Variants in ARMC9 observed in about 807,000 individuals in gnomAD.
The protein encoded by ARMC9 is armadillo repeat containing 9, also known as lisH domain-containing protein ARMC9.
A neutral mutation model predicts 107.0 loss-of-function variants in ARMC9; 94 were observed. The ratio of observed to expected loss-of-function variants is 0.88; its 90% CI spans 0.74 to 1.04. The LOEUF is 1.04. ARMC9 is among the 50% of genes least tolerant of loss of function. The probability of loss-of-function intolerance (pLI) is 0.00; values close to 1 mark genes in which losing one functional copy is unlikely to be tolerated. For missense variants in ARMC9, 942 were observed against 1,030.1 expected (o/e 0.91, Z 1.17); for synonymous variants, 380 against 396.9 (o/e 0.96, Z 0.51).
intron 19 of ARMC9, among the ~76,000 whole-genome samples, chr2:231,315,066 C>A (rs1316573478): frequency 1.3e-5 from 2 of 151,800 alleles, no homozygotes; most frequent in Non-Finnish European, 2.9e-5. Context: ...TGGTGAAACC[C>A]CATCTCTATT....
chr2:231,371,416 G>A (rs2046016562), intron 24 of ARMC9, 97 bp from the exon 25 acceptor site: 7 of 1,314,016 alleles, frequency 5.3e-6, no homozygotes, highest in Admixed American at 6.5e-5. Flanking sequence ...AGGTTCCCTC[G>A]CTTCTGAGCC....
chr2:231,355,924 C>T lies in ARMC9; in HGVS notation c.2121C>T (p.Val707=), dbSNP rs1160697545. Residue 707 remains valine, a synonymous_variant, in exon 22 of 25, where the codon GTC becomes GTT. Transcript: ENST00000611582. Reference sequence around the variant, plus strand: ...AGCCCAGCACCCCGGAGTCCTGCGTCTCCTCTTCATGTAAGAATGTGGGCA... The same window carrying T: ...AGCCCAGCACCCCGGAGTCCTGCGTTTCCTCTTCATGTAAGAATGTGGGCA... ...EGKPSTPESC[V]SSSSAIIAKP... is the part of the protein sequence containing the mutation. 1.3e-6 allele frequency: 2 copies of T among 1,535,416 alleles called. No individual in the cohort carries two copies. Among genetic ancestry groups the T allele is most frequent in the African/African-American group, 1.4e-5 (1 of 73,048 alleles).
rs957451308 is a variant in ARMC9 at position 231,297,682 on chromosome 2, C to T, written c.1773+1429C>T. On this transcript the variant is annotated intron_variant, in intron 19 of 24. Coordinates refer to ENST00000611582, the MANE Select transcript of ARMC9 (RefSeq NM_001352754.2). This position sits in a 1 kb window ranked among gnomAD's most constrained non-coding sequence, Gnocchi z 4.2. Reference sequence around the variant, plus strand: ...GCTGGCGAGCATAGGAAAGCAGGCACCTGACTCGTGGGCCATTGTTTGCCA... The same window carrying T: ...GCTGGCGAGCATAGGAAAGCAGGCATCTGACTCGTGGGCCATTGTTTGCCA... Among the ~76,000 whole-genome samples, 1 of 152,196 alleles carries T rather than the reference C, an allele frequency of 6.6e-6. No individual in the cohort carries two copies. Among genetic ancestry groups the T allele is most frequent in the African/African-American group, 2.4e-5 (1 of 41,452 alleles).
In ARMC9 at chr2:231,238,735, G is replaced by A. The variant is rs568439250; in HGVS notation, c.781-1208G>A. 2.6e-5 allele frequency among the ~76,000 whole-genome samples: 4 copies of A among 152,342 alleles called. No homozygotes were observed. The South Asian group carries it at 8.3e-4, about 32-fold the overall frequency. ...GAATGGACTCAGGATAATATAGGAG[G>A]TCTAGCCCTGGGATGGGGTTCCTTT... On this transcript the variant is annotated intron_variant, in intron 8 of 24. Coordinates refer to ENST00000611582, the MANE Select transcript of ARMC9 (RefSeq NM_001352754.2).
At chr2:231,201,011 G>A (rs1285929948) in intron 1 of ARMC9, among the ~76,000 whole-genome samples, 1 of 152,142 alleles carries the variant, frequency 6.6e-6, no homozygotes, top group Non-Finnish European at 1.5e-5. Context: ...TTGTTGCATG[G>A]GGGAATGGCC....
intron 21 of ARMC9, among the ~76,000 whole-genome samples, chr2:231,348,429 T>G (rs980730160): frequency 6.6e-6 from 1 of 152,262 alleles, no homozygotes; most frequent in Non-Finnish European, 1.5e-5. Flanking sequence ...GAGACAAGTT[T>G]GTGTTGTTTT....
chr2:231,318,417 T>C (rs2042822506), intron 19 of ARMC9, among the ~76,000 whole-genome samples: 2 of 152,206 alleles, frequency 1.3e-5, no homozygotes, highest in Admixed American at 6.5e-5. Context: ...CACTGTTAGC[T>C]TCCTCTGGGT....
chr2:231,330,420 G>A (rs1177900197), intron 19 of ARMC9, among the ~76,000 whole-genome samples: 2 of 152,106 alleles, frequency 1.3e-5, no homozygotes, highest in Non-Finnish European at 2.9e-5. Context: ...GCCTAGAAGG[G>A]ACGAGAGTGC....
intron 18 of ARMC9, among the ~76,000 whole-genome samples, chr2:231,291,677 G>A (rs940388302): frequency 1.5e-4 from 23 of 152,012 alleles, no homozygotes; most frequent in African/African-American, 5.3e-4. Flanking sequence ...TTAGCCAGGT[G>A]TGGTGGCTTG....
At chr2:231,334,059 A>G (rs2043922123) in intron 20 of ARMC9, among the ~76,000 whole-genome samples, 1 of 152,260 alleles carries the variant, frequency 6.6e-6, no homozygotes. Context: ...AAATGGTACC[A>G]TCTTACCATA....
chr2:231,235,100 G>A, intron 7 of ARMC9, 124 bp from the exon 8 acceptor site: 2 of 1,016,774 alleles, frequency 2.0e-6, no homozygotes, highest in Non-Finnish European at 2.8e-6. Flanking sequence ...AACACAAGTA[G>A]TGTCCAGTTT....
At position 231,371,316 on chromosome 2, in the gene ARMC9, T is replaced by C. The variant is rs1015804318; in HGVS notation, c.2435-197T>C. ...GCTGTTGCCAGCAAAGCTGACTGAG[T>C]GACCCGCACCAAGCAGCCTGCTTCC... On this transcript the variant is annotated intron_variant, in intron 24 of 24. Coordinates refer to ENST00000611582, the MANE Select transcript of ARMC9 (RefSeq NM_001352754.2). 5.3e-5 allele frequency among the ~76,000 whole-genome samples: 8 copies of C among 151,978 alleles called. 1 individual carries two copies. Among genetic ancestry groups the C allele is most frequent in the Non-Finnish European group, 1.0e-4 (7 of 67,988 alleles).
chr2:231,251,552 C>T (rs891431224), intron 9 of ARMC9, among the ~76,000 whole-genome samples: 11 of 152,062 alleles, frequency 7.2e-5, no homozygotes, highest in African/African-American at 2.7e-4. Context: ...GAAACTGAGG[C>T]GTGGGGAGTT....
intron 19 of ARMC9, among the ~76,000 whole-genome samples, chr2:231,302,437 G>GT (rs56032700): frequency 0.051 from 2,944 of 58,152 alleles, 260 homozygotes; most frequent in East Asian, 0.16. Context: ...TTGTGGGTTT[G>GT]TTTTTTTTTT....
chr2:231,284,269 T>G (rs1230312692), intron 17 of ARMC9, among the ~76,000 whole-genome samples: 1 of 152,212 alleles, frequency 6.6e-6, no homozygotes, highest in Non-Finnish European at 1.5e-5. Flanking sequence ...AGGTGTGTAG[T>G]AGGCTACACC....
intron 8 of ARMC9, among the ~76,000 whole-genome samples, chr2:231,239,307 C>T (rs1335348001): frequency 6.6e-6 from 1 of 152,132 alleles, no homozygotes; most frequent in African/African-American, 2.4e-5. Flanking sequence ...GAGAGAGGCA[C>T]AAGAGATGCT....
chr2:231,284,990 G>A (rs1490630107), intron 17 of ARMC9, among the ~76,000 whole-genome samples: 2 of 152,200 alleles, frequency 1.3e-5, no homozygotes, highest in South Asian at 4.1e-4. Context: ...ACGAGGTCAG[G>A]AGTTTGAGAC....
At chr2:231,310,343 C>T (rs867848500) in intron 19 of ARMC9, among the ~76,000 whole-genome samples, 1 of 149,966 alleles carries the variant, frequency 6.7e-6, no homozygotes, top group Non-Finnish European at 1.5e-5. Flanking sequence ...TGCTTGAACC[C>T]GGGAGGCAAG....
chr2:231,370,103 G>A lies in ARMC9; in HGVS notation c.2412G>A (p.Ala804=), dbSNP rs1179247943. ...AGGCCAGCCGCCCCGGCTCCACAGC[G>A]TCCTCCACAAGGGGCCTGCCGAGTA... is the stretch of plus-strand genomic sequence containing the variant. ...PQQASRPGST[A]SSTRGLPSSQ... The change falls in exon 24 of 25, where the codon GCG becomes GCA. Residue 804 remains alanine (A), a synonymous_variant. Transcript: ENST00000611582. The A allele has an allele frequency of 2.3e-5, 35 of 1,532,434 alleles. No homozygotes were observed. In the East Asian group the frequency reaches 3.4e-4, roughly 15 times the overall value. The allele number at this position is 1,532,434 out of a possible 1,614,324, so 94.9% of individuals were successfully genotyped here.
Sources: allele counts gnomAD v4.1 joint callset (sites outside exome capture counted in the v4.1 genomes callset), GRCh38; gene constraint gnomAD v4.1.1; non-coding constraint Gnocchi (gnomAD v3.1); transcripts MANE v1.5; gene names NCBI Gene and HGNC (gene_info 2026-07-23, HGNC 2026-07-21).